The following PCBP3 variants were observed in gnomAD, a reference collection of about 807,000 sequenced individuals.
The protein encoded by PCBP3 is poly(rC)-binding protein 3.
PCBP3 carries 25 observed loss-of-function variants against 52.7 expected under a neutral mutation model. The ratio of observed to expected loss-of-function variants is 0.47; its 90% CI spans 0.35 to 0.66. The LOEUF (loss-of-function observed/expected upper bound fraction) is 0.66, where lower values mean the gene tolerates loss of function less well. Ranked by LOEUF, PCBP3 falls within the 30% of genes least tolerant of loss-of-function variation. The pLI, the probability that PCBP3 is intolerant of heterozygous loss-of-function variation, is 0.01. For synonymous variants in PCBP3, 162 were observed against 183.0 expected (o/e 0.89, Z 0.93); for missense variants, 391 against 490.3 (o/e 0.80, Z 1.91).
intron 5 of PCBP3, among the ~76,000 whole-genome samples, chr21:45,882,899 C>T (rs2095435650): frequency 6.6e-6 from 1 of 152,194 alleles, no homozygotes; most frequent in African/African-American, 2.4e-5. Flanking sequence ...CTTACACCAG[C>T]GCCAAGTTCT....
chr21:45,685,912 G>T (rs946633956), intron 2 of PCBP3, among the ~76,000 whole-genome samples: 1 of 144,864 alleles, frequency 6.9e-6, no homozygotes, highest in Middle Eastern at 3.8e-3. Flanking sequence ...CCTGTAAGAT[G>T]AACTTTTTTT....
intron 5 of PCBP3, among the ~76,000 whole-genome samples, chr21:45,860,276 A>G (rs1303422459): frequency 6.6e-6 from 1 of 152,210 alleles, no homozygotes; most frequent in African/African-American, 2.4e-5. Context: ...GAGAAAAGGA[A>G]TGAAGCAGCT....
intron 2 of PCBP3, among the ~76,000 whole-genome samples, chr21:45,669,805 GTATATATATATATATATATA>G (rs773020402): frequency 0.013 from 657 of 49,740 alleles, 15 homozygotes; most frequent in African/African-American, 0.046. Flanking sequence ...GTGTGTGTGT[GTATATATATATATATATATA>G]TATATATATA....
chr21:45,696,831 C>T lies in PCBP3; in HGVS notation c.-200+27879C>T, dbSNP rs1161482516. Reference sequence around the variant, plus strand: ...GCAACCAACAAAAAATGGGCAAGAGCCTTGAGCAGACACTTCACAAAAGGG... The same window carrying T: ...GCAACCAACAAAAAATGGGCAAGAGTCTTGAGCAGACACTTCACAAAAGGG... On this transcript the variant is annotated intron_variant, in intron 2 of 17. Transcript: ENST00000681687. 2.0e-5 allele frequency among the ~76,000 whole-genome samples: 3 copies of T among 150,994 alleles called. No homozygotes were observed. The East Asian group carries it at 5.8e-4, about 29-fold the overall frequency.
At chr21:45,674,732 G>C (rs1361041566) in intron 2 of PCBP3, among the ~76,000 whole-genome samples, 1 of 152,144 alleles carries the variant, frequency 6.6e-6, no homozygotes, top group Non-Finnish European at 1.5e-5. Flanking sequence ...GATTAGTGTG[G>C]AGGCTGATAT....
intron 5 of PCBP3, chr21:45,893,733 G>A: frequency 1.0e-6 from 1 of 985,286 alleles, no homozygotes; most frequent in Non-Finnish European, 1.2e-6. Flanking sequence ...ACAGAGGGAG[G>A]GACCTGGATG....
intron 4 of PCBP3, among the ~76,000 whole-genome samples, chr21:45,841,420 A>T (rs1444302389): frequency 6.6e-6 from 1 of 150,776 alleles, no homozygotes; most frequent in African/African-American, 2.4e-5. Context: ...GAAAAAAAAA[A>T]TCTAGTTGGT....
intron 4 of PCBP3, among the ~76,000 whole-genome samples, chr21:45,824,860 G>T (rs1031788308): frequency 6.6e-6 from 1 of 152,364 alleles, no homozygotes; most frequent in African/African-American, 2.4e-5. Flanking sequence ...GCAGGACATG[G>T]GGCCATTAGA....
At position 45,704,500 on chromosome 21, in the gene PCBP3, A is replaced by C. The variant is rs572109096; in HGVS notation, c.-199-30892A>C. On this transcript the variant is annotated intron_variant, in intron 2 of 17. Coordinates refer to ENST00000681687, the MANE Select transcript of PCBP3 (RefSeq NM_001384156.1). The surrounding 1 kb of genome is among the most constrained non-coding windows in gnomAD (Gnocchi z 4.1). The stretch of plus-strand genomic sequence containing the variant: ...CCCCATTTTCCTGCTCTCCCCTGGC[A>C]GAGGCGCCCCAGGGGGCTCCAGGGG... Among the ~76,000 whole-genome samples the C allele has an allele frequency of 2.6e-5, 4 of 152,316 alleles. No individual in the cohort carries two copies. The highest frequency in any genetic ancestry group is 9.6e-5 in the African/African-American group (4 of 41,578).
chr21:45,681,797 G>A (rs2081866840), intron 2 of PCBP3, among the ~76,000 whole-genome samples: 1 of 151,990 alleles, frequency 6.6e-6, no homozygotes, highest in African/African-American at 2.4e-5. Context: ...CTCTTCTTTT[G>A]TCTTCTGGAA....
At chr21:45,752,277 G>T (rs957115373) in intron 3 of PCBP3, among the ~76,000 whole-genome samples, 3 of 151,840 alleles carry the variant, frequency 2.0e-5, no homozygotes, top group Non-Finnish European at 4.4e-5. Flanking sequence ...TTTTTCAATT[G>T]TTGATTTTTT....
At chr21:45,699,972 A>G (rs968110733) in intron 2 of PCBP3, among the ~76,000 whole-genome samples, 1 of 152,190 alleles carries the variant, frequency 6.6e-6, no homozygotes, top group Non-Finnish European at 1.5e-5. Context: ...TGCCTTCCCA[A>G]CAGTTCCCCA....
Position 45,791,410 on chromosome 21 carries a change from G to A in PCBP3, c.-126+35958G>A, listed in dbSNP as rs901117794. Among the ~76,000 whole-genome samples the A allele has an allele frequency of 6.6e-6, 1 of 152,068 alleles. No individual in the cohort carries two copies. The highest frequency in any genetic ancestry group is 2.4e-5 in the African/African-American group (1 of 41,398). ...CGTTTGTGTTCTCCAGTTGTGTGCA[G>A]CTCCAGAGTCTAGGCACGGAATTGA... On this transcript the variant is annotated intron_variant, in intron 4 of 17. Coordinates refer to ENST00000681687, the MANE Select transcript of PCBP3 (RefSeq NM_001384156.1). This position sits in a 1 kb window ranked among gnomAD's most constrained non-coding sequence, Gnocchi z 4.2.
chr21:45,896,126 A>T, intron 5 of PCBP3, 82 bp from the exon 6 acceptor site: 1 of 1,329,046 alleles, frequency 7.5e-7, no homozygotes, highest in Non-Finnish European at 1.0e-6. Context: ...GGGAGGCCGG[A>T]GTGGGAGCGG....
chr21:45,809,052 T>C (rs1184780188), intron 4 of PCBP3, among the ~76,000 whole-genome samples: 1 of 151,948 alleles, frequency 6.6e-6, no homozygotes, highest in Non-Finnish European at 1.5e-5. Context: ...GGTGGGGGGC[T>C]AGGCAAGGGA....
intron 4 of PCBP3, among the ~76,000 whole-genome samples, chr21:45,780,195 T>C (rs1362966615): frequency 6.6e-6 from 1 of 152,272 alleles, no homozygotes; most frequent in Admixed American, 6.5e-5. Context: ...GACCGTGTGA[T>C]CTTGCGTGAG....
At chr21:45,801,363 G>A (rs1000944064) in intron 4 of PCBP3, among the ~76,000 whole-genome samples, 2 of 152,310 alleles carry the variant, frequency 1.3e-5, no homozygotes, top group Non-Finnish European at 2.9e-5. Flanking sequence ...CCAGTGTCTG[G>A]GCTGGCCCCT....
At chr21:45,649,095 G>A (rs564800528) in intron 1 of PCBP3, among the ~76,000 whole-genome samples, 2 of 152,296 alleles carry the variant, frequency 1.3e-5, no homozygotes, top group Non-Finnish European at 1.5e-5. Context: ...AAAAGAAAGA[G>A]GTTTAATGGA....
At chr21:45,922,020 G>C (rs2074516651) in intron 13 of PCBP3, among the ~76,000 whole-genome samples, 1 of 152,146 alleles carries the variant, frequency 6.6e-6, no homozygotes, top group South Asian at 2.1e-4. Context: ...ATGGCCACTC[G>C]GCAGCCCTGG....
Sources: gnomAD v4.1 joint callset for allele counts (sites outside exome capture counted in the v4.1 genomes callset) on GRCh38, gnomAD v4.1.1 for gene constraint, Gnocchi (gnomAD v3.1) non-coding constraint, MANE v1.5 for transcripts, NCBI Gene and HGNC (gene_info 2026-07-23, HGNC 2026-07-21) for gene names.